Variants in ANAPC4 observed in about 807,000 individuals in gnomAD.
The protein encoded by ANAPC4 is anaphase promoting complex subunit 4.
A neutral mutation model predicts 119.8 loss-of-function variants in ANAPC4; 63 were observed. The observed-to-expected ratio is 0.53, with a 90% CI of 0.43 to 0.65. The LOEUF (loss-of-function observed/expected upper bound fraction) is 0.65, where lower values mean the gene tolerates loss of function less well. Ranked by LOEUF, ANAPC4 falls within the 30% of genes least tolerant of loss-of-function variation. ANAPC4 has a pLI of 0.00. For missense variants in ANAPC4, 716 were observed against 945.1 expected, an observed-to-expected ratio of 0.76 and a Z score of 3.18; for synonymous variants, 283 against 318.6, an observed-to-expected ratio of 0.89 and a Z score of 1.19.
intron 4 of ANAPC4, among the ~76,000 whole-genome samples, chr4:25,387,690 C>T (rs895002686): frequency 7.0e-6 from 1 of 143,852 alleles, no homozygotes; most frequent in African/African-American, 2.5e-5. Flanking sequence ...CACTTTTTTA[C>T]TTGCTTACTC....
Position 25,380,390 on chromosome 4 carries a change from T to G in ANAPC4, c.146T>G (p.Leu49Arg). The change falls in exon 3 of 29, where the codon CTG becomes CGG. Residue 49 changes from leucine (L) to arginine (R), a missense_variant. Coordinates refer to ENST00000315368, the MANE Select transcript of ANAPC4 (RefSeq NM_013367.3). ...TTGTCTTAGGTTTTACTTCATCGAC[T>G]GGCAAGTTTTCATCGAGTTTGGAGT... ...NTAGEVLLHR[L>R]ASFHRVWSFP... 1 of 1,612,984 alleles carries G rather than the reference T, an allele frequency of 6.2e-7. No homozygotes were observed. Among genetic ancestry groups the G allele is most frequent in the Non-Finnish European group, 8.5e-7 (1 of 1,179,414 alleles).
In ANAPC4 at chr4:25,383,323, A is replaced by C; in HGVS notation, c.298A>C (p.Ser100Arg). 6.2e-7 allele frequency: 1 copy of C among 1,613,134 alleles called. No homozygotes were observed. Among genetic ancestry groups the C allele is most frequent in the Admixed American group, 1.7e-5 (1 of 59,910 alleles). Residue 100 changes from serine (S) to arginine (R), a missense_variant, in exon 4 of 29, where the codon AGC becomes CGC. Ser to Arg is a moderately radical substitution (Grantham distance 110). Around this residue, in one of 3 missense-constraint regions of ANAPC4, gnomAD observed 202 missense variants for 293.5 expected, o/e 0.69. Transcript: ENST00000315368. ...IVLCDVEKPE[S>R]LHSFSVEAPV... ...TTTGTGTGATGTAGAAAAACCTGAG[A>C]GCTTACACTCTTTTTCTGTGGAGGC...
At chr4:25,393,943 G>A (rs778838338) in intron 11 of ANAPC4, 52 bp downstream of exon 11, 9 of 1,382,676 alleles carry the variant, frequency 6.5e-6, no homozygotes, top group Non-Finnish European at 7.0e-6. Flanking sequence ...CATGATGTAT[G>A]TCTTTACCTT....
Position 25,388,725 on chromosome 4 carries a change from A to G in ANAPC4, c.452A>G (p.Asn151Ser). 1 of 1,607,604 alleles carries G rather than the reference A, an allele frequency of 6.2e-7. No homozygotes were observed. Among genetic ancestry groups the G allele is most frequent in the Non-Finnish European group, 8.5e-7 (1 of 1,176,240 alleles). Residue 151 changes from asparagine to serine, a missense_variant, in exon 6 of 29, where the codon AAC (asparagine) becomes AGC (serine). Physicochemically the swap from Asn to Ser is conservative, Grantham distance 46. This residue lies in a region of ANAPC4 where 202 missense variants were observed against 293.5 expected (regional missense o/e 0.69). Coordinates refer to ENST00000315368, the MANE Select transcript of ANAPC4 (RefSeq NM_013367.3). Reference protein sequence around the residue: ...KLPTLPKNYSNTSKIFSEENS... With the variant: ...KLPTLPKNYSSTSKIFSEENS... The stretch of plus-strand genomic sequence containing the variant: ...TCTCTGTTTCCTTCTAGCTATAGCA[A>G]CACCTCAAAAATATTTAGGTAAGAT...
rs1577381060 is a variant in ANAPC4 at position 25,393,910 on chromosome 4, C to G, written c.876+19C>G. 3 of 1,583,648 alleles carry G rather than the reference C, an allele frequency of 1.9e-6. No individual in the cohort carries two copies. In the East Asian group the frequency reaches 6.8e-5, roughly 36 times the overall value. On this transcript the variant is annotated intron_variant, in intron 11 of 28. Coordinates refer to ENST00000315368, the MANE Select transcript of ANAPC4 (RefSeq NM_013367.3). ...TGTGCAGGTAAAGCAGCTGAAGTTT[C>G]CCATGGAGAGAGTTAAAGAATGCAT...
intron 4 of ANAPC4, among the ~76,000 whole-genome samples, chr4:25,387,554 G>A (rs1177891045): frequency 3.3e-5 from 5 of 152,128 alleles, no homozygotes; most frequent in African/African-American, 1.2e-4. Flanking sequence ...ATTCCAGCCC[G>A]GTTATCTGCT....
At position 25,393,885 on chromosome 4, in the gene ANAPC4, T is replaced by A. The variant is rs1325102164; in HGVS notation, c.870T>A (p.Phe290Leu). 4.4e-6 allele frequency: 7 copies of A among 1,608,640 alleles called. No individual in the cohort carries two copies. Among genetic ancestry groups the A allele is most frequent in the Non-Finnish European group, 5.1e-6 (6 of 1,177,322 alleles). The change falls in exon 11 of 29, where the codon TTT (phenylalanine) becomes TTA (leucine). Residue 290 changes from phenylalanine (F) to leucine (L), a missense_variant. Phe to Leu is a conservative substitution (Grantham distance 22, BLOSUM62 0). Transcript: ENST00000315368. ...AGATGGATTCTCGTCTCACCAAGTT[T>A]GTGCAGGTAAAGCAGCTGAAGTTTC... ...LMQMDSRLTK[F>L]VQEKNTTTSV...
At chr4:25,411,251 C>G (rs189188079) in intron 21 of ANAPC4, among the ~76,000 whole-genome samples, 2 of 152,248 alleles carry the variant, frequency 1.3e-5, no homozygotes, top group Admixed American at 6.5e-5. Flanking sequence ...TGGAGAGGGT[C>G]AGTGGCAGTG....
intron 25 of ANAPC4, among the ~76,000 whole-genome samples, 200 bp downstream of exon 25, chr4:25,414,900 T>A (rs1318399699): frequency 2.0e-5 from 3 of 151,884 alleles, no homozygotes; most frequent in African/African-American, 7.3e-5. Flanking sequence ...TATTTAATTT[T>A]TATTGGCATA....
At chr4:25,378,264 C>T (rs1045323658) in intron 2 of ANAPC4, among the ~76,000 whole-genome samples, 5 of 152,172 alleles carry the variant, frequency 3.3e-5, no homozygotes, top group Non-Finnish European at 7.4e-5. Context: ...AGGAAACCTT[C>T]ACCTGTGCAT....
At position 25,417,712 on chromosome 4, in the gene ANAPC4, G is replaced by C; in HGVS notation, c.2172G>C (p.Gly724=). The C allele has an allele frequency of 6.2e-7, 1 of 1,612,522 alleles. No individual in the cohort carries two copies. The highest frequency in any genetic ancestry group is 8.5e-7 in the Non-Finnish European group (1 of 1,179,482). ...GTATGAAAGCACAGTATGTTGCTGG[G>C]AATGGTTTTCGAAAAGTGTCCTGTG... is the stretch of plus-strand genomic sequence containing the variant. ...LESMKAQYVA[G]NGFRKVSCVL... is the part of the protein sequence containing the mutation. The change falls in exon 28 of 29, where the codon GGG becomes GGC. Residue 724 remains glycine (G), a synonymous_variant. Coordinates refer to ENST00000315368, the MANE Select transcript of ANAPC4 (RefSeq NM_013367.3).
chr4:25,402,161 A>G (rs895639498), intron 16 of ANAPC4, among the ~76,000 whole-genome samples: 2 of 152,152 alleles, frequency 1.3e-5, no homozygotes, highest in African/African-American at 4.8e-5. Flanking sequence ...TTAGTAACAT[A>G]AGAGATGTTT....
chr4:25,413,898 A>C, intron 22 of ANAPC4, 156 bp downstream of exon 22: 1 of 605,876 alleles, frequency 1.7e-6, no homozygotes, highest in African/African-American at 1.9e-5. Context: ...CATATGGTTC[A>C]ACCTAATACT....
chr4:25,417,575 A>T, intron 27 of ANAPC4, 41 bp from the exon 28 acceptor site: 1 of 1,537,730 alleles, frequency 6.5e-7, no homozygotes, highest in South Asian at 1.3e-5. Context: ...GGAGGATAAG[A>T]TCCCCTTTTC....
At chr4:25,410,775 C>A (rs1723512650) in intron 21 of ANAPC4, among the ~76,000 whole-genome samples, 1 of 152,176 alleles carries the variant, frequency 6.6e-6, no homozygotes, top group Non-Finnish European at 1.5e-5. Flanking sequence ...GCAGTCAAGA[C>A]TTTGTTTCAA....
At chr4:25,393,778 A>C in intron 10 of ANAPC4, 27 bp from the exon 11 acceptor site, 3 of 1,471,554 alleles carry the variant, frequency 2.0e-6, no homozygotes, top group Admixed American at 1.9e-5. Flanking sequence ...ATTTTTTACC[A>C]TTTCAATTTT....
At chr4:25,384,822 G>A (rs1275054553) in intron 4 of ANAPC4, among the ~76,000 whole-genome samples, 1 of 151,412 alleles carries the variant, frequency 6.6e-6, no homozygotes, top group Non-Finnish European at 1.5e-5. Flanking sequence ...AGACTTGACA[G>A]TTGAAATTAC....
intron 2 of ANAPC4, among the ~76,000 whole-genome samples, chr4:25,379,673 G>T (rs1221701883): frequency 6.6e-6 from 1 of 152,180 alleles, no homozygotes; most frequent in Non-Finnish European, 1.5e-5. Context: ...CAGAAGTAAG[G>T]TATGGCAGGA....
At chr4:25,417,934 G>A (rs1483087149) in intron 28 of ANAPC4, 195 bp downstream of exon 28, 1 of 861,440 alleles carries the variant, frequency 1.2e-6, no homozygotes, top group Non-Finnish European at 1.7e-6. Context: ...TTACTAAGTA[G>A]TTAATAATAA....
Sources: gnomAD v4.1 joint callset for allele counts (sites outside exome capture counted in the v4.1 genomes callset) on GRCh38, gnomAD v4.1.1 for gene constraint, gnomAD v4.1.1 regional missense constraint, MANE v1.5 for transcripts, NCBI Gene and HGNC (gene_info 2026-07-23, HGNC 2026-07-21) for gene names.